Variants in TRIM66 observed in about 807,000 individuals in gnomAD.
TRIM66 encodes tripartite motif containing 66.
TRIM66 carries 99 observed loss-of-function variants against 148.2 expected under a neutral mutation model. The ratio of observed to expected loss-of-function variants is 0.67; its 90% CI spans 0.57 to 0.79. TRIM66 has a LOEUF of 0.79. Ranked by LOEUF, TRIM66 falls within the 30% of genes least tolerant of loss-of-function variation. TRIM66 has a pLI of 0.00. For synonymous variants in TRIM66, 616 were observed against 635.9 expected, an observed-to-expected ratio of 0.97 and a Z score of 0.47; for missense variants, 1,666 against 1,697.9, an observed-to-expected ratio of 0.98 and a Z score of 0.33.
intron 23 of TRIM66, 93 bp from the exon 24 acceptor site, chr11:8,619,061 G>A: frequency 8.3e-7 from 1 of 1,204,832 alleles, no homozygotes; most frequent in Non-Finnish European, 1.2e-6. Context: ...ACAAAGCCTA[G>A]CGGGGTGTCC....
chr11:8,682,788 C>A (rs370136035), upstream of TRIM66: 6 of 1,613,526 alleles, frequency 3.7e-6, no homozygotes, highest in Non-Finnish European at 4.2e-6. Flanking sequence ...TGGCGAAGGC[C>A]TTCCTTTTTC....
At chr11:8,646,340 G>A (rs944874717) in intron 11 of TRIM66, 107 bp downstream of exon 11, 17 of 885,330 alleles carry the variant, frequency 1.9e-5, no homozygotes, top group Non-Finnish European at 3.1e-5. Flanking sequence ...CAGAGCTATG[G>A]AAGCTGCATA....
intron 13 of TRIM66, 125 bp downstream of exon 13, chr11:8,642,884 T>A: frequency 1.4e-5 from 5 of 362,474 alleles, no homozygotes; most frequent in East Asian, 4.7e-5. Flanking sequence ...GCTGAATGAT[T>A]CCATGACCAC....
At chr11:8,648,146 C>G (rs2037032828) in intron 9 of TRIM66, 60 bp from the exon 10 acceptor site, 1 of 1,420,508 alleles carries the variant, frequency 7.0e-7, no homozygotes, top group Non-Finnish European at 9.7e-7. Flanking sequence ...AGCATGCCAA[C>G]CAAGCGGGAA....
intron 15 of TRIM66, among the ~76,000 whole-genome samples, chr11:8,632,079 G>A (rs79039371): frequency 0.017 from 2,581 of 152,156 alleles, 70 homozygotes; most frequent in African/African-American, 0.057. Context: ...TGAATGCGCC[G>A]GGCATATCAC....
rs1592089525 is a variant in TRIM66, at chr11:8,638,877, T to C, written c.2149-62A>G. The C allele has an allele frequency of 3.6e-5, 54 of 1,509,596 alleles. No individual in the cohort carries two copies. In the East Asian group the frequency reaches 1.3e-3, roughly 35 times the overall value. The allele number at this position is 1,509,596 out of a possible 1,614,324, so 93.5% of individuals were successfully genotyped here. On this transcript the variant is annotated intron_variant, in intron 14 of 24. Coordinates refer to ENST00000646038, the MANE Select transcript of TRIM66 (RefSeq NM_001388022.1). ...GCAGACAGCGTAGCAGCAGCAGCAG[T>C]GGCAGCAAAGGCTAGTGCTCACCCT...
upstream of TRIM66, chr11:8,682,996 C>A: frequency 1.1e-6 from 1 of 923,354 alleles, no homozygotes; most frequent in Non-Finnish European, 1.6e-6. Flanking sequence ...GTGTGTTAGG[C>A]CCGCGGTTCG....
chr11:8,628,612 C>CAAAAAAAAAAAAAAA (rs750649249), intron 15 of TRIM66, among the ~76,000 whole-genome samples: 6 of 80,662 alleles, frequency 7.4e-5, no homozygotes, highest in Admixed American at 3.1e-4. Flanking sequence ...GACCCTGTCT[C>CAAAAAAAAAAAAAAA]AAAAAAAAAA....
chr11:8,633,481 A>T (rs576695519), intron 15 of TRIM66, among the ~76,000 whole-genome samples: 6 of 152,206 alleles, frequency 3.9e-5, no homozygotes, highest in African/African-American at 1.4e-4. Flanking sequence ...GGATAGAACT[A>T]AGGAGACAGG....
chr11:8,668,191 T>C (rs2038717106), intron 6 of TRIM66, among the ~76,000 whole-genome samples: 1 of 152,240 alleles, frequency 6.6e-6, no homozygotes. Context: ...CATTTTTTCT[T>C]GGGCTTATTG....
chr11:8,641,080 G>A lies in TRIM66; in HGVS notation c.1295C>T (p.Ser432Leu). 6.4e-7 allele frequency: 1 copy of A among 1,551,730 alleles called. No homozygotes were observed. Among genetic ancestry groups the A allele is most frequent in the South Asian group, 1.2e-5 (1 of 84,060 alleles). The change falls in exon 14 of 25, where the codon TCA (serine) becomes TTA (leucine). Residue 432 changes from serine to leucine, a missense_variant. Transcript: ENST00000646038. The part of the protein sequence containing the change: ...APAYGGLQGS[S>L]PFYQSHQSPV... ...AGACTGGTGGCTTTGATAAAAGGGT[G>A]ATGACCCCTGTAAGCCTCCATAAGC...
chr11:8,682,266 G>C (rs1235206614), intron 1 of TRIM66: 1 of 153,552 alleles, frequency 6.5e-6, no homozygotes, highest in African/African-American at 2.4e-5. Flanking sequence ...AGCCGCCCGA[G>C]CTTCAGGAAA....
chr11:8,683,073 C>T (rs768795409), upstream of TRIM66: 125 of 1,031,870 alleles, frequency 1.2e-4, no homozygotes, highest in Non-Finnish European at 1.7e-4. Flanking sequence ...CGGATCGGTA[C>T]CCTCAGCTTT....
At chr11:8,641,925 C>A (rs778072455) in intron 13 of TRIM66, among the ~76,000 whole-genome samples, 3 of 152,134 alleles carry the variant, frequency 2.0e-5, no homozygotes, top group Non-Finnish European at 4.4e-5. Flanking sequence ...TTCCTGAGGC[C>A]TCCCCAGAAG....
intron 10 of TRIM66, 64 bp from the exon 11 acceptor site, chr11:8,646,625 C>T (rs558644470): frequency 2.9e-6 from 4 of 1,357,618 alleles, no homozygotes; most frequent in East Asian, 2.5e-5. Context: ...GACGAAGAGA[C>T]AGCAAACATA....
intron 12 of TRIM66, among the ~76,000 whole-genome samples, chr11:8,645,219 G>C (rs914723532): frequency 6.6e-6 from 1 of 152,148 alleles, no homozygotes; most frequent in Non-Finnish European, 1.5e-5. Context: ...TAGGTAGCTT[G>C]GAGTTGGTTT....
rs1335984275 is a variant in TRIM66, at chr11:8,625,075, G to A, written c.2464C>T (p.Pro822Ser). 1.9e-6 allele frequency: 3 copies of A among 1,551,746 alleles called. No homozygotes were observed. Among genetic ancestry groups the A allele is most frequent in the East Asian group, 2.4e-5 (1 of 40,914 alleles). ...PQAVPSLLSA[P>S]PKMVSSLTSV... ...GTCAGGCTGGACACCATTTTGGGGG[G>A]AGCACTCAGCAGGCTTGGTACTGCC... The change falls in exon 16 of 25, where the codon CCC becomes TCC. Residue 822 changes from proline to serine, a missense_variant. Physicochemically the swap from Pro to Ser is moderately conservative, Grantham distance 74. Around this residue, in one of 3 missense-constraint regions of TRIM66, gnomAD observed 1,431 missense variants for 1,412.4 expected, o/e 1.01. Coordinates refer to ENST00000646038, the MANE Select transcript of TRIM66 (RefSeq NM_001388022.1).
chr11:8,645,855 T>A lies in TRIM66; in HGVS notation c.990A>T (p.Glu330Asp). 6.4e-7 allele frequency: 1 copy of A among 1,551,724 alleles called. No individual in the cohort carries two copies. The highest frequency in any genetic ancestry group is 8.7e-7 in the Non-Finnish European group (1 of 1,146,988). Residue 330 changes from glutamate to aspartate, a missense_variant, in exon 12 of 25, where the codon GAA becomes GAT. This residue lies in a region of TRIM66 where 1,431 missense variants were observed against 1,412.4 expected (regional missense o/e 1.01). Coordinates refer to ENST00000646038, the MANE Select transcript of TRIM66 (RefSeq NM_001388022.1). ...GAACCATGATGCTCTGTAACTGCTG[T>A]TCCAGCTTCCGCTTTCTCTCATTAG... ...GITNERKRKL[E>D]QQLQSIMVLN...
rs1161928762 is a variant in TRIM66 at position 8,671,908 on chromosome 11, T to C, written c.218A>G (p.Gln73Arg). 17 of 1,536,058 alleles carry C rather than the reference T, an allele frequency of 1.1e-5. No individual in the cohort carries two copies. Among genetic ancestry groups the C allele is most frequent in the Non-Finnish European group, 1.5e-5 (17 of 1,146,920 alleles). Residue 73 changes from glutamine (Q) to arginine (R), a missense_variant, in exon 6 of 25, where the codon CAG becomes CGG. Physicochemically the swap from Gln to Arg is conservative, Grantham distance 43. This residue lies in a region of TRIM66 where 1,431 missense variants were observed against 1,412.4 expected (regional missense o/e 1.01). Transcript: ENST00000646038. ...AMVMTCSLCH[Q>R]DLPGMGSHLL... is the part of the protein sequence containing the mutation. ...ATGAGAGCCCATACCTGGCAGGTCC[T>C]GATGGCACAATGAGCAGGTCATTAC...
Sources: gnomAD v4.1 joint callset for allele counts (sites outside exome capture counted in the v4.1 genomes callset) on GRCh38, gnomAD v4.1.1 for gene constraint, gnomAD v4.1.1 regional missense constraint, MANE v1.5 for transcripts, NCBI Gene and HGNC (gene_info 2026-07-23, HGNC 2026-07-21) for gene names.